IPP: variants seen among roughly 807,000 people sequenced by gnomAD.
The protein encoded by IPP is intracisternal A particle-promoted polypeptide, also known as actin-binding protein IPP.
IPP carries 41 observed loss-of-function variants against 64.1 expected under a neutral mutation model. That is an observed-to-expected ratio of 0.64 (90% confidence interval 0.50 to 0.83). The LOEUF (loss-of-function observed/expected upper bound fraction) is 0.83. IPP is among the 40% of genes least tolerant of loss of function. The probability of loss-of-function intolerance (pLI) is 0.00; values close to 1 mark genes in which losing one functional copy is unlikely to be tolerated. For missense variants in IPP, 649 were observed against 703.0 expected, an observed-to-expected ratio of 0.92 and a Z score of 0.87; for synonymous variants, 214 against 235.2, an observed-to-expected ratio of 0.91 and a Z score of 0.83.
intron 8 of IPP, among the ~76,000 whole-genome samples, chr1:45,711,765 A>G (rs1645594107): frequency 6.6e-6 from 1 of 152,172 alleles, no homozygotes; most frequent in African/African-American, 2.4e-5. Flanking sequence ...AAAAAAAAAA[A>G]AAAAGTAGAC....
At chr1:45,724,472 G>A (rs1645779253) in intron 5 of IPP, among the ~76,000 whole-genome samples, 1 of 151,144 alleles carries the variant, frequency 6.6e-6, no homozygotes, top group Non-Finnish European at 1.5e-5. Flanking sequence ...CCTCTGCCTG[G>A]CTGCCCAGTC....
chr1:45,718,281 C>T (rs1645687146), intron 6 of IPP, among the ~76,000 whole-genome samples: 1 of 152,196 alleles, frequency 6.6e-6, no homozygotes, highest in South Asian at 2.1e-4. Context: ...AGCTAAAGTA[C>T]TTCACTGGAT....
At position 45,719,197 on chromosome 1, in the gene IPP, A is replaced by G. The variant is rs1367546387; in HGVS notation, c.1186+6T>C. The G allele has an allele frequency of 1.2e-6, 2 of 1,613,910 alleles. No homozygotes were observed. The highest frequency in any genetic ancestry group is 1.7e-6 in the Non-Finnish European group (2 of 1,179,874). On this transcript the variant is annotated splice_donor_region_variant and intron_variant, in intron 6 of 8. Transcript: ENST00000396478. The stretch of plus-strand genomic sequence containing the variant: ...TAGCTATCTTTAAACTGAACAACAT[A>G]ATTACCCAAAGCATAGATAGCCCCA...
chr1:45,722,442 T>C (rs1645746069), intron 5 of IPP, among the ~76,000 whole-genome samples: 1 of 151,558 alleles, frequency 6.6e-6, no homozygotes, highest in South Asian at 2.1e-4. Context: ...TCCCAGCTAC[T>C]TGGGAGGCTG....
At chr1:45,733,781 G>A (rs1164429664) in intron 3 of IPP, among the ~76,000 whole-genome samples, 1 of 151,364 alleles carries the variant, frequency 6.6e-6, no homozygotes, top group African/African-American at 2.4e-5. Context: ...GTAGTGAGCC[G>A]AGATCACGCC....
chr1:45,732,377 A>AAAAAAC (rs1343333783), intron 3 of IPP, among the ~76,000 whole-genome samples: 12 of 151,062 alleles, frequency 7.9e-5, no homozygotes, highest in Non-Finnish European at 1.8e-4. Context: ...AAAAAAAAAA[A>AAAAAAC]AAACACAAAA....
chr1:45,717,103 C>A lies in IPP; in HGVS notation c.1187-86G>T, dbSNP rs780040092. 2.4e-5 allele frequency: 30 copies of A among 1,236,178 alleles called. No homozygotes were observed. The African/African-American group carries it at 4.4e-4, about 18-fold the overall frequency. 76.6% of individuals were successfully genotyped at this position (1,236,178 alleles called of 1,614,324 possible). A position where few individuals can be genotyped will look rare whatever the true frequency, so the allele number is the denominator to read the frequency against. On this transcript the variant is annotated intron_variant, in intron 6 of 8. Coordinates refer to ENST00000396478, the MANE Select transcript of IPP (RefSeq NM_005897.3). ...CCTTAGAAAACATCTAAACCAAATA[C>A]TTCATATTATAGATATCACATGAGC...
chr1:45,749,920 G>C (rs1376889894), intron 1 of IPP, among the ~76,000 whole-genome samples: 1 of 152,206 alleles, frequency 6.6e-6, no homozygotes, highest in Non-Finnish European at 1.5e-5. Flanking sequence ...GGCTGTGATG[G>C]GGCAAGCCTG....
At chr1:45,712,699 T>C (rs1645606514) in intron 8 of IPP, among the ~76,000 whole-genome samples, 1 of 151,116 alleles carries the variant, frequency 6.6e-6, no homozygotes, top group African/African-American at 2.4e-5. Context: ...CTACTAAAAA[T>C]ACAACAAAAA....
intron 6 of IPP, among the ~76,000 whole-genome samples, chr1:45,718,282 T>G (rs988041137): frequency 6.6e-6 from 1 of 152,230 alleles, no homozygotes; most frequent in Non-Finnish European, 1.5e-5. Context: ...GCTAAAGTAC[T>G]TCACTGGATG....
chr1:45,695,958 C>T (rs143011244), downstream of IPP, among the ~76,000 whole-genome samples: 333 of 152,266 alleles, frequency 2.2e-3, no homozygotes, highest in South Asian at 3.9e-3. Flanking sequence ...CATGAGCCAC[C>T]GTGCCCGGCC....
At chr1:45,745,784 G>A (rs1168886373) in intron 2 of IPP, among the ~76,000 whole-genome samples, 2 of 152,082 alleles carry the variant, frequency 1.3e-5, no homozygotes, top group East Asian at 3.9e-4. Context: ...AGAATCGCTT[G>A]AACCTGGGAG....
intron 7 of IPP, 115 bp downstream of exon 7, chr1:45,716,780 T>C: frequency 1.3e-6 from 1 of 773,986 alleles, no homozygotes; most frequent in Non-Finnish European, 2.1e-6. Flanking sequence ...ATGCTGCTAG[T>C]ATCAGTCATT....
Position 45,700,015 on chromosome 1 carries a change from A to G in IPP, c.1706T>C (p.Ile569Thr). The G allele has an allele frequency of 6.2e-7, 1 of 1,614,180 alleles. No individual in the cohort carries two copies. The highest frequency in any genetic ancestry group is 8.5e-7 in the Non-Finnish European group (1 of 1,180,028). The change falls in exon 9 of 9, where the codon ATT (isoleucine) becomes ACT (threonine). Residue 569 changes from isoleucine to threonine, a missense_variant. Transcript: ENST00000396478. Reference sequence around the variant, plus strand: ...ACAACGACTGGTGATCATGTTACCAATTTCTGTCCATGTATCTGAATGAGG... The same window carrying G: ...ACAACGACTGGTGATCATGTTACCAGTTTCTGTCCATGTATCTGAATGAGG... ...YNPHSDTWTEIGNMITSRCEG... is the reference protein window; with the variant it reads ...YNPHSDTWTETGNMITSRCEG...
chr1:45,719,118 T>C, intron 6 of IPP, 85 bp downstream of exon 6: 2 of 1,293,628 alleles, frequency 1.5e-6, no homozygotes, highest in Non-Finnish European at 2.2e-6. Context: ...CCCATAAATA[T>C]ATATACCTAT....
downstream of IPP, chr1:45,694,552 G>T (rs115945592): frequency 3.3e-3 from 3,862 of 1,154,016 alleles, 61 homozygotes; most frequent in African/African-American, 0.038. Context: ...GTTTTCACAG[G>T]AGTTACCACT....
chr1:45,714,068 C>T (rs1344033913), intron 8 of IPP, among the ~76,000 whole-genome samples, 178 bp downstream of exon 8: 2 of 151,864 alleles, frequency 1.3e-5, no homozygotes, highest in East Asian at 3.9e-4. Flanking sequence ...ATCAATAAAA[C>T]AGAAAATTGA....
At chr1:45,713,563 A>AT (rs576599037) in intron 8 of IPP, among the ~76,000 whole-genome samples, 1 of 151,376 alleles carries the variant, frequency 6.6e-6, no homozygotes, top group African/African-American at 2.4e-5. Context: ...TCCGTCTCAA[A>AT]AAAAAAAAAT....
chr1:45,747,793 C>T (rs1245205029), intron 1 of IPP, among the ~76,000 whole-genome samples: 1 of 146,142 alleles, frequency 6.8e-6, no homozygotes, highest in Non-Finnish European at 1.5e-5. Flanking sequence ...ACACCACTGC[C>T]CTCCGCTCTC....
Sources: gnomAD v4.1 joint callset for allele counts (sites outside exome capture counted in the v4.1 genomes callset) on GRCh38, gnomAD v4.1.1 for gene constraint, MANE v1.5 for transcripts, NCBI Gene and HGNC (gene_info 2026-07-23, HGNC 2026-07-21) for gene names.